The following SLC6A2 variants were observed in gnomAD, a reference collection of about 807,000 sequenced individuals.
SLC6A2 encodes sodium-dependent noradrenaline transporter.
Under a neutral mutation model 71.7 loss-of-function variants are expected in SLC6A2, and 26 were observed. That is an observed-to-expected ratio of 0.36 (90% CI 0.27 to 0.50). The LOEUF (loss-of-function observed/expected upper bound fraction) is 0.50, where lower values mean the gene tolerates loss of function less well. Ranked by LOEUF, SLC6A2 falls within the 20% of genes least tolerant of loss-of-function variation. SLC6A2 has a pLI of 0.96. For missense variants in SLC6A2, 581 were observed against 803.9 expected (o/e 0.72, Z 3.35); for synonymous variants, 363 against 337.9 (o/e 1.07, Z -0.82).
chr16:55,702,510 T>A lies in SLC6A2; in HGVS notation c.*164T>A. 6.5e-7 allele frequency: 1 copy of A among 1,528,608 alleles called. No homozygotes were observed. The allele number at this position is 1,528,608 out of a possible 1,614,324, so 94.7% of individuals were successfully genotyped here. On this transcript the variant is annotated 3_prime_UTR_variant, in exon 15 of 15. Transcript: ENST00000568943. ...CAAATGATTTCGTGACTGTAGTTTT[T>A]GTTCACCTTCTGTGCATCTGGCCTG... is the stretch of plus-strand genomic sequence containing the variant.
At chr16:55,693,478 ACAT>A (rs1455821760) in intron 6 of SLC6A2, among the ~76,000 whole-genome samples, 2 of 152,256 alleles carry the variant, frequency 1.3e-5, no homozygotes, top group Non-Finnish European at 1.5e-5. Flanking sequence ...CAGGGCTAGA[ACAT>A]GAGGCAGAGA....
chr16:55,666,700 G>A (rs2142501450), intron 2 of SLC6A2, among the ~76,000 whole-genome samples: 1 of 152,302 alleles, frequency 6.6e-6, no homozygotes, highest in South Asian at 2.1e-4. Context: ...CTCCCAGCCA[G>A]CAGAGGAAGA....
At chr16:55,669,824 G>A (rs1964854856) in intron 3 of SLC6A2, 128 bp downstream of exon 3, 2 of 992,952 alleles carry the variant, frequency 2.0e-6, no homozygotes, top group Non-Finnish European at 1.6e-6. Flanking sequence ...TATTGACAAG[G>A]TCAACAGTGT....
rs1313883607 is a variant in SLC6A2 at position 55,704,622 on chromosome 16, A to G, written c.*2276A>G. On this transcript the variant is annotated 3_prime_UTR_variant, in exon 15 of 15. Transcript: ENST00000568943. ...TGGAATAGTTGGATGTGAAAAGCTG[A>G]GTCTACTTGGTTGAAATGAGAGCAA... 6.6e-6 allele frequency: 1 copy of G among 152,254 alleles called. No homozygotes were observed. Among genetic ancestry groups the G allele is most frequent in the Non-Finnish European group, 1.5e-5 (1 of 68,064 alleles). The allele number at this position is 152,254 out of a possible 1,614,324, so 9.4% of individuals were successfully genotyped here.
chr16:55,666,565 T>C (rs185726701), intron 2 of SLC6A2, among the ~76,000 whole-genome samples: 1 of 152,320 alleles, frequency 6.6e-6, no homozygotes, highest in Non-Finnish European at 1.5e-5. Context: ...CACCACTCTT[T>C]GGTCTTCTTA....
intron 4 of SLC6A2, among the ~76,000 whole-genome samples, chr16:55,682,638 T>C (rs3785152): frequency 0.87 from 132,080 of 152,230 alleles, 57,601 homozygotes; most frequent in Middle Eastern, 0.93. Flanking sequence ...TTAGCCCTGA[T>C]CTTGCAGAAA....
intron 6 of SLC6A2, 65 bp from the exon 7 acceptor site, chr16:55,693,945 G>T: frequency 9.3e-7 from 1 of 1,075,008 alleles, no homozygotes; most frequent in Non-Finnish European, 1.5e-6. Context: ...CAGCCCTTCC[G>T]GACCAGTGAG....
rs1019080664 is a variant in SLC6A2 at position 55,705,409 on chromosome 16, T to A, written c.*3063T>A. Reference sequence around the variant, plus strand: ...TCTTACCAAAGAAATCATTTCCTAGTAAAGAAGCCCATTGAACTCACTTTA... The same window carrying A: ...TCTTACCAAAGAAATCATTTCCTAGAAAAGAAGCCCATTGAACTCACTTTA... On this transcript the variant is annotated 3_prime_UTR_variant, in exon 15 of 15. Transcript: ENST00000568943. 2.4e-5 allele frequency: 15 copies of A among 623,324 alleles called. No homozygotes were observed. The African/African-American group carries it at 2.6e-4, about 11-fold the overall frequency. 38.6% of individuals were successfully genotyped at this position (623,324 alleles called of 1,614,324 possible). A position where few individuals can be genotyped will look rare whatever the true frequency, so the allele number is the denominator to read the frequency against.
intron 4 of SLC6A2, among the ~76,000 whole-genome samples, chr16:55,676,174 C>T (rs184400506): frequency 6.6e-6 from 1 of 152,108 alleles, no homozygotes; most frequent in East Asian, 1.9e-4. Context: ...CTGCAGTTGT[C>T]GTCAAATTCT....
chr16:55,687,306 A>G (rs1005023762), intron 5 of SLC6A2, among the ~76,000 whole-genome samples: 9 of 152,334 alleles, frequency 5.9e-5, no homozygotes, highest in Non-Finnish European at 1.2e-4. Context: ...CTCTAAGTTT[A>G]TGTGTAGTTT....
chr16:55,664,724 G>A (rs1461299428), intron 2 of SLC6A2, among the ~76,000 whole-genome samples: 1 of 152,214 alleles, frequency 6.6e-6, no homozygotes, highest in African/African-American at 2.4e-5. Flanking sequence ...GCTCAGAGAA[G>A]GCACATTTAG....
chr16:55,696,777 G>T (rs556381981), intron 9 of SLC6A2, among the ~76,000 whole-genome samples: 1 of 152,266 alleles, frequency 6.6e-6, no homozygotes, highest in Admixed American at 6.5e-5. Flanking sequence ...AGGCCAGGAT[G>T]TCAAGACCAG....
chr16:55,662,602 T>C lies in SLC6A2; in HGVS notation c.274+5634T>C, dbSNP rs372333768. ...TGTGTTTCTCTTAAAGAGACTAAGA[T>C]GGAGGAAATGGAAACCAGAATCTTC... On this transcript the variant is annotated intron_variant, in intron 2 of 14. Coordinates refer to ENST00000568943, the MANE Select transcript of SLC6A2 (RefSeq NM_001172501.3). Among the ~76,000 whole-genome samples, 9 of 152,314 alleles carry C rather than the reference T, an allele frequency of 5.9e-5. No homozygotes were observed. The East Asian group carries it at 7.7e-4, about 13-fold the overall frequency.
chr16:55,688,350 A>G (rs542897084), intron 5 of SLC6A2, among the ~76,000 whole-genome samples: 224 of 152,206 alleles, frequency 1.5e-3, no homozygotes, highest in Non-Finnish European at 2.7e-3. Flanking sequence ...AATTATAATG[A>G]ACAGCATCAT....
In SLC6A2 at chr16:55,700,222, G is replaced by A. The variant is rs752688970; in HGVS notation, c.1674G>A (p.Gly558=). The change falls in exon 13 of 15, where the codon GGG becomes GGA. Residue 558 remains glycine (G), a synonymous_variant. Transcript: ENST00000568943. ...TCCCGCCCTGGGCCAACTGGGTGGGGTGGGGCATCGCCCTGTCCTCCATGG... is the reference window on the plus strand; with the variant it reads ...TCCCGCCCTGGGCCAACTGGGTGGGATGGGGCATCGCCCTGTCCTCCATGG... ...YIFPPWANWV[G]WGIALSSMVL... The A allele has an allele frequency of 2.5e-6, 4 of 1,613,934 alleles. No homozygotes were observed. Among genetic ancestry groups the A allele is most frequent in the Non-Finnish European group, 3.4e-6 (4 of 1,179,962 alleles).
chr16:55,698,535 C>G lies in SLC6A2; in HGVS notation c.1456C>G (p.Leu486Val), dbSNP rs759824538. The change falls in exon 11 of 15, where the codon CTC (leucine) becomes GTC (valine). Residue 486 changes from leucine (L) to valine (V), a missense_variant. Leu to Val is a conservative substitution (Grantham distance 32). Coordinates refer to ENST00000568943, the MANE Select transcript of SLC6A2 (RefSeq NM_001172501.3). ...AAGTSILFAV[L>V]MEAIGVSWFY... is the part of the protein sequence containing the mutation. ...GGGCACCTCCATCCTTTTTGCTGTCCTCATGGAAGCCATCGGAGTTTCCTG... is the reference window on the plus strand; with the variant it reads ...GGGCACCTCCATCCTTTTTGCTGTCGTCATGGAAGCCATCGGAGTTTCCTG... 4.6e-5 allele frequency: 75 copies of G among 1,613,870 alleles called. No homozygotes were observed. The highest frequency in any genetic ancestry group is 5.8e-5 in the Non-Finnish European group (68 of 1,179,866).
chr16:55,701,972 G>A, intron 14 of SLC6A2, 38 bp downstream of exon 14: 2 of 1,515,670 alleles, frequency 1.3e-6, no homozygotes, highest in South Asian at 2.2e-5. Flanking sequence ...GAGATTACAA[G>A]GGCGGGCCCT....
Position 55,699,544 on chromosome 16 carries a change from G to A in SLC6A2, c.1490-10G>A, listed in dbSNP as rs1408349878. 8 of 1,610,650 alleles carry A rather than the reference G, an allele frequency of 5.0e-6. No individual in the cohort carries two copies. The highest frequency in any genetic ancestry group is 1.7e-4 in the Middle Eastern group (1 of 6,054). ...GGCCATGGTAACAGGCCTGCCCTGT[G>A]TGTGCACAGGAGTGGACAGGTTCAG... On this transcript the variant is annotated splice_polypyrimidine_tract_variant and intron_variant, in intron 11 of 14. Coordinates refer to ENST00000568943, the MANE Select transcript of SLC6A2 (RefSeq NM_001172501.3).
At position 55,702,237 on chromosome 16, in the gene SLC6A2, C is replaced by G. The variant is rs11568335; in HGVS notation, c.1831-86C>G. The G allele has an allele frequency of 1.1e-3, 1,401 of 1,327,238 alleles. 12 individuals are homozygous for G. In the African/African-American group the frequency reaches 0.018, roughly 17 times the overall value. The allele number at this position is 1,327,238 out of a possible 1,614,324, so 82.2% of individuals were successfully genotyped here. On this transcript the variant is annotated intron_variant, in intron 14 of 14. Transcript: ENST00000568943. The stretch of plus-strand genomic sequence containing the variant: ...GGAAGGGGGTGTTTTTCTGCCTTCT[C>G]TCTACCTCCTGCTGCCCCCGCCAGC...
Sources: allele counts gnomAD v4.1 joint callset (sites outside exome capture counted in the v4.1 genomes callset), GRCh38; gene constraint gnomAD v4.1.1; transcripts MANE v1.5; gene names NCBI Gene and HGNC (gene_info 2026-07-23, HGNC 2026-07-21).